DYNC2I1: variants seen among roughly 807,000 people sequenced by gnomAD.
DYNC2I1 encodes cytoplasmic dynein 2 intermediate chain 1.
Under a neutral mutation model 133.4 loss-of-function variants are expected in DYNC2I1, and 89 were observed. The ratio of observed to expected loss-of-function variants is 0.67; its 90% CI spans 0.56 to 0.80. The LOEUF (loss-of-function observed/expected upper bound fraction) is 0.80, where lower values mean the gene tolerates loss of function less well. Among genes scored for constraint, DYNC2I1 ranks in the 30% least tolerant of loss-of-function variants. The pLI, the probability that DYNC2I1 is intolerant of heterozygous loss-of-function variation, is 0.00. For synonymous variants in DYNC2I1, 504 were observed against 484.3 expected (o/e 1.04, Z -0.54); for missense variants, 1,291 against 1,314.5 (o/e 0.98, Z 0.28).
chr7:158,940,856 A>G (rs1041764973), intron 23 of DYNC2I1, among the ~76,000 whole-genome samples: 1 of 152,238 alleles, frequency 6.6e-6, no homozygotes, highest in African/African-American at 2.4e-5. Flanking sequence ...AGTTGATAGT[A>G]ATAAATGCCT....
Position 158,902,606 on chromosome 7 carries a change from C to A in DYNC2I1, c.1357+11C>A, listed in dbSNP as rs201588197. ...AGGAGCCCAGGACAGGTAAACAAATCAATGCTACTAATGGTGTCCGTGCTC... is the reference window on the plus strand; with the variant it reads ...AGGAGCCCAGGACAGGTAAACAAATAAATGCTACTAATGGTGTCCGTGCTC... On this transcript the variant is annotated intron_variant, in intron 10 of 24. Coordinates refer to ENST00000407559, the MANE Select transcript of DYNC2I1 (RefSeq NM_018051.5). 8.5e-5 allele frequency: 137 copies of A among 1,611,466 alleles called. No individual in the cohort carries two copies. The African/African-American group carries it at 1.6e-3, about 19-fold the overall frequency.
chr7:158,893,909 G>A (rs987940302), intron 8 of DYNC2I1, among the ~76,000 whole-genome samples: 2 of 150,348 alleles, frequency 1.3e-5, no homozygotes, highest in African/African-American at 2.5e-5. Flanking sequence ...ATATCATACC[G>A]CATATTATAC....
intron 5 of DYNC2I1, among the ~76,000 whole-genome samples, chr7:158,883,970 C>T (rs1844337940): frequency 6.6e-6 from 1 of 151,006 alleles, no homozygotes; most frequent in South Asian, 2.1e-4. Flanking sequence ...GGCCCAGTGA[C>T]TTCTTTAATA....
chr7:158,879,825 A>G lies in DYNC2I1; in HGVS notation c.715A>G (p.Lys239Glu), dbSNP rs780851536. 12 of 1,613,202 alleles carry G rather than the reference A, an allele frequency of 7.4e-6. No individual in the cohort carries two copies. Among genetic ancestry groups the G allele is most frequent in the Non-Finnish European group, 1.0e-5 (12 of 1,179,618 alleles). The change falls in exon 5 of 25, where the codon AAA becomes GAA. Residue 239 changes from lysine (K) to glutamate (E), a missense_variant. Lys to Glu is a moderately conservative substitution (Grantham distance 56). Transcript: ENST00000407559. ...EKSSTREKREKYSKEKSNSFS... is the reference protein window; with the variant it reads ...EKSSTREKREEYSKEKSNSFS... ...AAGCAGCACAAGGGAAAAAAGAGAG[A>G]AATATTCCAAAGAGAAAAGTAATTC...
intron 3 of DYNC2I1, among the ~76,000 whole-genome samples, chr7:158,876,386 A>T (rs1334758280): frequency 6.6e-6 from 1 of 152,234 alleles, no homozygotes; most frequent in Admixed American, 6.5e-5. Context: ...ACACAGATCC[A>T]AACCATATCA....
chr7:158,876,610 A>G lies in DYNC2I1; in HGVS notation c.492A>G (p.Val164=), dbSNP rs1584995891. 6.4e-7 allele frequency: 1 copy of G among 1,566,952 alleles called. No individual in the cohort carries two copies. Among genetic ancestry groups the G allele is most frequent in the Non-Finnish European group, 8.6e-7 (1 of 1,164,386 alleles). ...LERAERKGRS[V]SKVRSEEKDE... ...AAAAATATGTTTTACTTCTTGTAGT[A>G]AGTAAAGTAAGAAGTGAAGAGAAAG... Residue 164 remains valine (V), a splice_region_variant and synonymous_variant, in exon 4 of 25, where the codon GTA becomes GTG. Coordinates refer to ENST00000407559, the MANE Select transcript of DYNC2I1 (RefSeq NM_018051.5).
chr7:158,925,585 G>T (rs894626649), intron 17 of DYNC2I1, among the ~76,000 whole-genome samples: 1 of 152,166 alleles, frequency 6.6e-6, no homozygotes, highest in Non-Finnish European at 1.5e-5. Flanking sequence ...TTCTGTAGGT[G>T]TATATTTTAG....
chr7:158,873,644 A>G (rs1215312523), intron 3 of DYNC2I1, among the ~76,000 whole-genome samples: 1 of 152,226 alleles, frequency 6.6e-6, no homozygotes, highest in African/African-American at 2.4e-5. Flanking sequence ...GAAATAAAGT[A>G]GAGTCAGGGT....
chr7:158,907,545 C>T (rs1410868279), intron 11 of DYNC2I1, among the ~76,000 whole-genome samples: 2 of 151,884 alleles, frequency 1.3e-5, no homozygotes, highest in Non-Finnish European at 2.9e-5. Flanking sequence ...CCCTCCCTTT[C>T]CATTTCCCTT....
At chr7:158,910,051 C>T (rs998900654) in intron 11 of DYNC2I1, among the ~76,000 whole-genome samples, 2 of 152,160 alleles carry the variant, frequency 1.3e-5, no homozygotes, top group Admixed American at 6.5e-5. Flanking sequence ...ATTCATTGAG[C>T]ACCGGCTGTG....
At chr7:158,848,063 T>C in the DYNC2I1 span, among the ~76,000 whole-genome samples, 1 of 152,218 alleles carries the variant, frequency 6.6e-6, no homozygotes, top group Admixed American at 6.5e-5. Flanking sequence ...AAGAGCATGA[T>C]TGGGTTGATG....
the DYNC2I1 span, among the ~76,000 whole-genome samples, chr7:158,840,499 G>A: frequency 6.6e-6 from 1 of 152,134 alleles, no homozygotes; most frequent in African/African-American, 2.4e-5. Flanking sequence ...CCCAGGAGGC[G>A]GAGGTTGCAG....
At chr7:158,905,801 G>A (rs1200112790) in intron 10 of DYNC2I1, among the ~76,000 whole-genome samples, 188 bp from the exon 11 acceptor site, 2 of 152,124 alleles carry the variant, frequency 1.3e-5, no homozygotes, top group African/African-American at 4.8e-5. Context: ...TTGCTTTGTT[G>A]CCTGAAAGTT....
rs1843386235 is a variant in DYNC2I1, at chr7:158,876,663, A to T, written c.545A>T (p.Asp182Val). Reference sequence around the variant, plus strand: ...GAAGACTCTGAAAGAGGAGATGAAGATAGAGAAAGAAGATACCGAGAAAGA... The same window carrying T: ...GAAGACTCTGAAAGAGGAGATGAAGTTAGAGAAAGAAGATACCGAGAAAGA... Reference protein sequence around the residue: ...KDEDSERGDEDRERRYRERKL... With the variant: ...KDEDSERGDEVRERRYRERKL... The change falls in exon 4 of 25, where the codon GAT becomes GTT. Residue 182 changes from aspartate to valine, a missense_variant. Asp to Val is a radical substitution (Grantham distance 152). Coordinates refer to ENST00000407559, the MANE Select transcript of DYNC2I1 (RefSeq NM_018051.5). The T allele has an allele frequency of 4.4e-6, 7 of 1,579,686 alleles. No individual in the cohort carries two copies. The East Asian group carries it at 1.6e-4, about 36-fold the overall frequency.
upstream of DYNC2I1, among the ~76,000 whole-genome samples, chr7:158,852,453 C>A (rs935641515): frequency 6.6e-6 from 1 of 151,460 alleles, no homozygotes; most frequent in African/African-American, 2.4e-5. Flanking sequence ...AGAATTAGTT[C>A]AGACCGGCTG....
In DYNC2I1 at chr7:158,926,275, G is replaced by T; in HGVS notation, c.2346G>T (p.Val782=). The change falls in exon 18 of 25, where the codon GTG becomes GTT. Residue 782 remains valine (V), a synonymous_variant. Coordinates refer to ENST00000407559, the MANE Select transcript of DYNC2I1 (RefSeq NM_018051.5). The stretch of plus-strand genomic sequence containing the variant: ...CCGTCCACAAAAAGCAGAGCTTTGT[G>T]CTTTCACCCTTTTCTACTCAAGAAG... ...STSVHKKQSF[V]LSPFSTQEEM... 1.2e-6 allele frequency: 2 copies of T among 1,612,854 alleles called. No homozygotes were observed. Among genetic ancestry groups the T allele is most frequent in the Non-Finnish European group, 1.7e-6 (2 of 1,179,426 alleles).
At chr7:158,846,693 A>G in the DYNC2I1 span, among the ~76,000 whole-genome samples, 1 of 152,234 alleles carries the variant, frequency 6.6e-6, no homozygotes, top group Non-Finnish European at 1.5e-5. Context: ...TAAATTCTAT[A>G]ATCTGTTTCT....
At chr7:158,941,382 A>G (rs753010126) in intron 23 of DYNC2I1, among the ~76,000 whole-genome samples, 53 of 152,220 alleles carry the variant, frequency 3.5e-4, no homozygotes, top group Non-Finnish European at 4.3e-4. Context: ...GTGTTTATAT[A>G]TACGCTGAAT....
chr7:158,846,668 G>A, the DYNC2I1 span, among the ~76,000 whole-genome samples: 1 of 152,186 alleles, frequency 6.6e-6, no homozygotes, highest in Non-Finnish European at 1.5e-5. Context: ...CTTAATGCAA[G>A]AAGTCCTTAA....
Sources: gnomAD v4.1 joint callset for allele counts (sites outside exome capture counted in the v4.1 genomes callset) on GRCh38, gnomAD v4.1.1 for gene constraint, MANE v1.5 for transcripts, NCBI Gene and HGNC (gene_info 2026-07-23, HGNC 2026-07-21) for gene names.